AVEN: variants seen among roughly 807,000 people sequenced by gnomAD.
AVEN encodes the protein apoptosis and caspase activation inhibitor, also known as cell death regulator Aven.
In AVEN, 41 loss-of-function variants were observed where a neutral mutation model predicts 38.1. That is an observed-to-expected ratio of 1.08 (90% CI 0.84 to 1.40). The LOEUF is 1.40. AVEN is among the 40% of genes most tolerant of loss of function. The pLI is 0.00. For synonymous variants in AVEN, 206 were observed against 171.8 expected (o/e 1.20, Z -1.56); for missense variants, 605 against 438.8 (o/e 1.38, Z -3.38).
intron 5 of AVEN, among the ~76,000 whole-genome samples, chr15:34,047,913 T>C (rs1241037880): frequency 6.6e-6 from 1 of 151,952 alleles, no homozygotes; most frequent in East Asian, 1.9e-4. Flanking sequence ...CCACACCAGA[T>C]CCCAGAAATA....
intron 2 of AVEN, among the ~76,000 whole-genome samples, chr15:33,928,961 G>A (rs1893735520): frequency 6.6e-6 from 1 of 152,152 alleles, no homozygotes; most frequent in South Asian, 2.1e-4. Flanking sequence ...CTCTAGAGAT[G>A]AGAACCTCCA....
chr15:34,043,369 A>G (rs375472776), upstream of AVEN, among the ~76,000 whole-genome samples: 5 of 152,292 alleles, frequency 3.3e-5, no homozygotes, highest in African/African-American at 1.2e-4. Flanking sequence ...TGGGGAAAGT[A>G]CCTCTTCCTG....
In AVEN at chr15:34,063,050, C is replaced by T. The variant is rs576433686; in HGVS notation, n.1509G>A. The T allele has an allele frequency of 6.4e-5, 104 of 1,614,086 alleles. No individual in the cohort carries two copies. The highest frequency in any genetic ancestry group is 1.7e-4 in the Admixed American group (10 of 60,004). On this transcript the variant is annotated non_coding_transcript_exon_variant, in exon 5 of 12. Transcript: ENST00000675287. The surrounding 1 kb of genome is among the most constrained non-coding windows in gnomAD (Gnocchi z 4.1). Reference sequence around the variant, plus strand: ...GTGACCTTTGGCTTGCACTGGACTACGTGGCCAGCAACGCTTCTGTCATGA... The same window carrying T: ...GTGACCTTTGGCTTGCACTGGACTATGTGGCCAGCAACGCTTCTGTCATGA...
chr15:33,866,006 C>T (rs1413215483), downstream of AVEN: 2 of 152,934 alleles, frequency 1.3e-5, 1 homozygote, highest in Admixed American at 1.3e-4. Flanking sequence ...TGGAGTAATG[C>T]TTTATGGTCC....
At chr15:33,882,317 G>A (rs1211945806) in intron 2 of AVEN, among the ~76,000 whole-genome samples, 1 of 152,036 alleles carries the variant, frequency 6.6e-6, no homozygotes. Flanking sequence ...GGGGGAAGGG[G>A]GTAGCAAAAC....
the AVEN span, chr15:33,852,963 G>A: frequency 8.5e-7 from 1 of 1,179,152 alleles, no homozygotes; most frequent in Non-Finnish European, 1.2e-6. Flanking sequence ...CCCAGATCCA[G>A]GCACTCAAAC....
At position 34,062,571 on chromosome 15, in the gene AVEN, A is replaced by AAAG. The variant is rs1555521305; in HGVS notation, n.1637+350_1637+351insCTT. 284 of 668,310 alleles carry AAAG rather than the reference A, an allele frequency of 4.2e-4. 1 individual carries two copies. The highest frequency in any genetic ancestry group is 1.2e-3 in the African/African-American group (64 of 53,880). The allele number at this position is 668,310 out of a possible 1,614,324, so 41.4% of individuals were successfully genotyped here. A position where few individuals can be genotyped will look rare whatever the true frequency, so the allele number is the denominator to read the frequency against. On this transcript the variant is annotated intron_variant and non_coding_transcript_variant, in intron 5 of 11. Transcript: ENST00000675287. ...TTCTGTCTCAAAAAAAAAAAAAAAA[A>AAAG]AAACTATAAACAATGGATGGACAAG...
In AVEN at chr15:33,867,558, G is replaced by T. The variant is rs776845233; in HGVS notation, c.910C>A (p.Pro304Thr). ...TTCAGGTCCTGAGACGTCTGATCTG[G>T]TAAGATGTTATCTCCCTCTTTTATA... ...APIKEGDNIL[P>T]DQTSQDLKSK... is the part of the protein sequence containing the mutation. Residue 304 changes from proline to threonine, a missense_variant, in exon 5 of 6, where the codon CCA (proline) becomes ACA (threonine). Physicochemically the swap from Pro to Thr is conservative, Grantham distance 38. Transcript: ENST00000306730. 1 of 1,613,838 alleles carries T rather than the reference G, an allele frequency of 6.2e-7. No individual in the cohort carries two copies. Among genetic ancestry groups the T allele is most frequent in the East Asian group, 2.2e-5 (1 of 44,890 alleles).
intron 1 of AVEN, 54 bp from the exon 2 acceptor site, chr15:34,003,263 T>G: frequency 6.4e-7 from 1 of 1,552,076 alleles, no homozygotes; most frequent in Non-Finnish European, 8.8e-7. Flanking sequence ...CTGACCTTAG[T>G]AGACTTCCCA....
chr15:33,873,532 TTA>T (rs1295673894), intron 3 of AVEN, among the ~76,000 whole-genome samples: 5 of 148,052 alleles, frequency 3.4e-5, no homozygotes, highest in African/African-American at 7.4e-5. Context: ...ATAATATATA[TTA>T]TATATATGCA....
intron 5 of AVEN, among the ~76,000 whole-genome samples, chr15:34,047,405 G>T (rs2684949): frequency 1.3e-5 from 2 of 152,190 alleles, no homozygotes; most frequent in Non-Finnish European, 2.9e-5. Context: ...ATACTCCAAC[G>T]CTGGGATCCC....
At chr15:34,042,185 T>G (rs1899499814), upstream of AVEN, among the ~76,000 whole-genome samples, 3 of 152,164 alleles carry the variant, frequency 2.0e-5, no homozygotes, top group Admixed American at 2.0e-4. Flanking sequence ...ATTGCATAAA[T>G]AACAAAGGGA....
intron 4 of AVEN, 143 bp downstream of exon 4, chr15:33,870,792 C>A (rs1205791002): frequency 5.8e-6 from 3 of 521,078 alleles, no homozygotes; most frequent in Non-Finnish European, 6.3e-6. Context: ...CTCCTTTAAA[C>A]TTTACAAAAT....
At chr15:33,975,656 G>A (rs1280523861) in intron 2 of AVEN, among the ~76,000 whole-genome samples, 3 of 152,114 alleles carry the variant, frequency 2.0e-5, no homozygotes, top group Non-Finnish European at 2.9e-5. Context: ...TCCCAGCTGG[G>A]CACGGTGGCT....
Position 34,011,537 on chromosome 15 carries a change from T to TA in AVEN, c.268-8329dup. ...AATGGGAATAAAATGATCCACATGA[T>TA]AGTCAAATTCAACTGTTTCTCTAGC... is the stretch of plus-strand genomic sequence containing the variant. On this transcript the variant is annotated intron_variant, in intron 1 of 5. Coordinates refer to ENST00000306730, the MANE Select transcript of AVEN (RefSeq NM_020371.3). Among the ~76,000 whole-genome samples, 2 of 152,294 alleles carry TA rather than the reference T, an allele frequency of 1.3e-5. 1 individual carries two copies. Among genetic ancestry groups the TA allele is most frequent in the Non-Finnish European group, 2.9e-5 (2 of 68,026 alleles).
chr15:33,873,916 T>C (rs1305131795), intron 3 of AVEN, among the ~76,000 whole-genome samples: 1 of 152,090 alleles, frequency 6.6e-6, no homozygotes, highest in Non-Finnish European at 1.5e-5. Flanking sequence ...GTCTTGTCTA[T>C]GAGTAACCCC....
intron 4 of AVEN, among the ~76,000 whole-genome samples, chr15:33,869,688 G>A (rs768175700): frequency 2.0e-5 from 3 of 152,118 alleles, no homozygotes; most frequent in African/African-American, 7.2e-5. Context: ...TTTTAGACTA[G>A]TAAATGCTAT....
chr15:33,921,947 G>A (rs978880774), intron 2 of AVEN, among the ~76,000 whole-genome samples: 1 of 152,028 alleles, frequency 6.6e-6, no homozygotes, highest in Non-Finnish European at 1.5e-5. Flanking sequence ...GGTGGGGAGG[G>A]GTCTATGGAA....
chr15:33,936,272 G>GA (rs1894056825), intron 2 of AVEN, among the ~76,000 whole-genome samples: 1 of 152,150 alleles, frequency 6.6e-6, no homozygotes, highest in Non-Finnish European at 1.5e-5. Flanking sequence ...AGACTACATG[G>GA]AAAAATGCAA....
Sources: gnomAD v4.1 joint callset for allele counts (sites outside exome capture counted in the v4.1 genomes callset) on GRCh38, gnomAD v4.1.1 for gene constraint, Gnocchi (gnomAD v3.1) non-coding constraint, MANE v1.5 for transcripts, NCBI Gene and HGNC (gene_info 2026-07-23, HGNC 2026-07-21) for gene names.